Variants in ARHGAP11A observed in about 807,000 individuals in gnomAD.
The protein encoded by ARHGAP11A is Rho GTPase activating protein 11A.
A neutral mutation model predicts 60.5 loss-of-function variants in ARHGAP11A; 36 were observed. The ratio of observed to expected loss-of-function variants is 0.59; its 90% CI spans 0.46 to 0.79. ARHGAP11A has a LOEUF of 0.79. ARHGAP11A is among the 30% of genes least tolerant of loss of function. The pLI is 0.00. For synonymous variants in ARHGAP11A, 362 were observed against 415.5 expected, an observed-to-expected ratio of 0.87 and a Z score of 1.57; for missense variants, 1,071 against 1,199.2, an observed-to-expected ratio of 0.89 and a Z score of 1.58.
chr15:32,625,517 T>A lies in ARHGAP11A; in HGVS notation c.746T>A (p.Ile249Lys). The A allele has an allele frequency of 1.2e-6, 2 of 1,613,942 alleles. No homozygotes were observed. Among genetic ancestry groups the A allele is most frequent in the East Asian group, 4.5e-5 (2 of 44,870 alleles). ...GTACCAGATTTTATCCTGGAAAAGA[T>A]ACCAGCCATGTTGGGTATTGATGGT... Reference protein sequence around the residue: ...GRVPDFILEKIPAMLGIDGLC... With the variant: ...GRVPDFILEKKPAMLGIDGLC... Residue 249 changes from isoleucine to lysine, a missense_variant, in exon 6 of 12, where the codon ATA (isoleucine) becomes AAA (lysine). Coordinates refer to ENST00000361627, the MANE Select transcript of ARHGAP11A (RefSeq NM_014783.6).
At chr15:32,632,246 C>A (rs2053602765) in intron 8 of ARHGAP11A, among the ~76,000 whole-genome samples, 1 of 152,088 alleles carries the variant, frequency 6.6e-6, no homozygotes, top group South Asian at 2.1e-4. Flanking sequence ...TATATGGAGC[C>A]TTTGTTCATA....
intron 10 of ARHGAP11A, among the ~76,000 whole-genome samples, chr15:32,634,481 G>A (rs2053659234): frequency 6.6e-6 from 1 of 152,168 alleles, no homozygotes; most frequent in Non-Finnish European, 1.5e-5. Flanking sequence ...GGAGCATCCA[G>A]AACTTTGGCT....
At position 32,638,443 on chromosome 15, in the gene ARHGAP11A, T is replaced by G. The variant is rs2053774595; in HGVS notation, c.*598T>G. 1 of 152,212 alleles carries G rather than the reference T, an allele frequency of 6.6e-6. No homozygotes were observed. The highest frequency in any genetic ancestry group is 1.5e-5 in the Non-Finnish European group (1 of 68,042). 9.4% of individuals were successfully genotyped at this position (152,212 alleles called of 1,614,324 possible). Reference sequence around the variant, plus strand: ...AATTTTTGAAAATGACATATTTTTGTGTGATAGAAAGAATGGAGCAAGTTG... The same window carrying G: ...AATTTTTGAAAATGACATATTTTTGGGTGATAGAAAGAATGGAGCAAGTTG... On this transcript the variant is annotated 3_prime_UTR_variant, in exon 12 of 12. Coordinates refer to ENST00000361627, the MANE Select transcript of ARHGAP11A (RefSeq NM_014783.6).
chr15:32,637,239 A>G lies in ARHGAP11A; in HGVS notation c.2466A>G (p.Pro822=). 1 of 1,614,244 alleles carries G rather than the reference A, an allele frequency of 6.2e-7. No homozygotes were observed. The highest frequency in any genetic ancestry group is 8.5e-7 in the Non-Finnish European group (1 of 1,180,044). The change falls in exon 12 of 12, where the codon CCA becomes CCG. Residue 822 remains proline, a synonymous_variant. Transcript: ENST00000361627. ...QWFNKLSLNE[P]NRIKVKSPLK... ...TTAACAAGCTTTCTTTAAATGAACC[A>G]AATAGAATAAAAGTCAAGTCACCTC...
In ARHGAP11A at chr15:32,624,262, A is replaced by G; in HGVS notation, c.387A>G (p.Pro129=). The change falls in exon 4 of 12, where the codon CCA becomes CCG. Residue 129 remains proline (P), a synonymous_variant. Transcript: ENST00000361627. Reference sequence around the variant, plus strand: ...TTAAGCAGTTTTTTAGGGAACTGCCAGAGCCCATTCTCCCAGCTGATTTGC... The same window carrying G: ...TTAAGCAGTTTTTTAGGGAACTGCCGGAGCCCATTCTCCCAGCTGATTTGC... ...GLLKQFFREL[P]EPILPADLHE... 4 of 1,613,442 alleles carry G rather than the reference A, an allele frequency of 2.5e-6. No homozygotes were observed. The highest frequency in any genetic ancestry group is 3.4e-6 in the Non-Finnish European group (4 of 1,179,606).
Position 32,635,758 on chromosome 15 carries a change from C to CT in ARHGAP11A, c.1345-9dup, listed in dbSNP as rs755229631. 4.5e-3 allele frequency: 5,904 copies of CT among 1,323,802 alleles called. No individual in the cohort carries two copies. The highest frequency in any genetic ancestry group is 0.011 in the South Asian group (669 of 62,014). 82.0% of individuals were successfully genotyped at this position (1,323,802 alleles called of 1,614,324 possible). ...AACTAGGCTTATTTCTTAACTAAAA[C>CT]TTTTTTTTTTCTGTACAGAATGGAT... On this transcript the variant is annotated intron_variant, in intron 10 of 11. Transcript: ENST00000361627.
Position 32,637,736 on chromosome 15 carries a change from G to A in ARHGAP11A, c.2963G>A (p.Arg988Lys). The change falls in exon 12 of 12, where the codon AGG becomes AAG. Residue 988 changes from arginine to lysine, a missense_variant. Around this residue, in one of 4 missense-constraint regions of ARHGAP11A, gnomAD observed 776 missense variants for 760.2 expected, o/e 1.02. Coordinates refer to ENST00000361627, the MANE Select transcript of ARHGAP11A (RefSeq NM_014783.6). ...GGCATTTCTTCTGGGATAAATAACA[G>A]GGTCCTTAGGAGACCATCAGAAAGA... Reference protein sequence around the residue: ...NMGISSGINNRVLRRPSERGR... With the variant: ...NMGISSGINNKVLRRPSERGR... 1 of 1,614,156 alleles carries A rather than the reference G, an allele frequency of 6.2e-7. No homozygotes were observed. The highest frequency in any genetic ancestry group is 8.5e-7 in the Non-Finnish European group (1 of 1,180,018).
chr15:32,621,090 A>G (rs1353195026), intron 2 of ARHGAP11A, among the ~76,000 whole-genome samples: 1 of 129,292 alleles, frequency 7.7e-6, no homozygotes, highest in South Asian at 2.5e-4. Context: ...AATATTGGAT[A>G]AAAGAATATT....
chr15:32,627,537 A>G (rs60974871), intron 6 of ARHGAP11A, among the ~76,000 whole-genome samples: 26,294 of 151,060 alleles, frequency 0.17, 2,511 homozygotes, highest in East Asian at 0.28. Flanking sequence ...AGACCATCCT[A>G]GCTAACACAG....
intron 11 of ARHGAP11A, 154 bp downstream of exon 11, chr15:32,636,069 C>G (rs2053706693): frequency 5.1e-6 from 7 of 1,371,444 alleles, no homozygotes; most frequent in Non-Finnish European, 6.6e-6. Context: ...ATTTTTCTAT[C>G]AACAATTGGG....
intron 6 of ARHGAP11A, among the ~76,000 whole-genome samples, chr15:32,628,138 A>T (rs559811011): frequency 2.6e-5 from 4 of 152,194 alleles, no homozygotes; most frequent in East Asian, 3.9e-4. Flanking sequence ...GTATAACTCT[A>T]CTCAAGTATC....
At position 32,633,935 on chromosome 15, in the gene ARHGAP11A, T is replaced by G; in HGVS notation, c.1238T>G (p.Val413Gly). Reference sequence around the variant, plus strand: ...ATTTTTAATTCCACTTCTTCTAGAGTGGAATCAGGAAAAGCAGGCTGCTTT... The same window carrying G: ...ATTTTTAATTCCACTTCTTCTAGAGGGGAATCAGGAAAAGCAGGCTGCTTT... ...KRIAGKKVCR[V>G]ESGKAGCFSP... The change falls in exon 10 of 12, where the codon GTG (valine) becomes GGG (glycine). Residue 413 changes from valine to glycine, a missense_variant and splice_region_variant. Physicochemically the swap from Val to Gly is moderately radical, Grantham distance 109 (BLOSUM62 -3). Coordinates refer to ENST00000361627, the MANE Select transcript of ARHGAP11A (RefSeq NM_014783.6). 6.3e-7 allele frequency: 1 copy of G among 1,589,034 alleles called. No homozygotes were observed.
chr15:32,637,709 T>C lies in ARHGAP11A; in HGVS notation c.2936T>C (p.Met979Thr), dbSNP rs761005139. ...GTAAAACCAGTTGTAAATAACAACA[T>C]GGGCATTTCTTCTGGGATAAATAAC... ...DIVKPVVNNNMGISSGINNRV... is the reference protein window; with the variant it reads ...DIVKPVVNNNTGISSGINNRV... The change falls in exon 12 of 12, where the codon ATG becomes ACG. Residue 979 changes from methionine (M) to threonine (T), a missense_variant. This residue lies in a region of ARHGAP11A where 776 missense variants were observed against 760.2 expected (regional missense o/e 1.02). Coordinates refer to ENST00000361627, the MANE Select transcript of ARHGAP11A (RefSeq NM_014783.6). The C allele has an allele frequency of 6.2e-7, 1 of 1,614,172 alleles. No homozygotes were observed. Among genetic ancestry groups the C allele is most frequent in the Admixed American group, 1.7e-5 (1 of 60,016 alleles).
intron 4 of ARHGAP11A, among the ~76,000 whole-genome samples, 173 bp downstream of exon 4, chr15:32,624,599 A>G (rs1023965282): frequency 6.6e-6 from 1 of 152,248 alleles, no homozygotes; most frequent in African/African-American, 2.4e-5. Flanking sequence ...AAATGATTTA[A>G]TATTTCCTTA....
rs4470116 is a variant in ARHGAP11A at position 32,616,234 on chromosome 15, G to A, written c.23G>A (p.Arg8Lys). The change falls in exon 1 of 12, where the codon AGG becomes AAG. Residue 8 changes from arginine (R) to lysine (K), a missense_variant. Around this residue, in one of 4 missense-constraint regions of ARHGAP11A, gnomAD observed 28 missense variants for 24.5 expected, o/e 1.14. Transcript: ENST00000361627. The part of the protein sequence containing the change: MWDQRLV[R>K]LALLQHLRAF... ...GGAATGTGGGATCAGAGGCTGGTGAGGTTGGCCCTGTTGCAGCATCTGCGG... is the reference window on the plus strand; with the variant it reads ...GGAATGTGGGATCAGAGGCTGGTGAAGTTGGCCCTGTTGCAGCATCTGCGG... 562 of 1,613,866 alleles carry A rather than the reference G, an allele frequency of 3.5e-4. 2 individuals carry two copies. The African/African-American group carries it at 6.4e-3, about 18-fold the overall frequency.
In ARHGAP11A at chr15:32,639,525, T is replaced by C. The variant is rs1262087408; in HGVS notation, c.*1680T>C. ...TTTTAAAAATGCATTAACGTCTTTTTATATCCATCAAGGGAAGGATGAAAT... is the reference window on the plus strand; with the variant it reads ...TTTTAAAAATGCATTAACGTCTTTTCATATCCATCAAGGGAAGGATGAAAT... On this transcript the variant is annotated 3_prime_UTR_variant, in exon 12 of 12. Coordinates refer to ENST00000361627, the MANE Select transcript of ARHGAP11A (RefSeq NM_014783.6). 1 of 152,250 alleles carries C rather than the reference T, an allele frequency of 6.6e-6. No homozygotes were observed. The highest frequency in any genetic ancestry group is 2.4e-5 in the African/African-American group (1 of 41,468). 9.4% of individuals were successfully genotyped at this position (152,250 alleles called of 1,614,324 possible). A position where few individuals can be genotyped will look rare whatever the true frequency, so the allele number is the denominator to read the frequency against.
rs1310253500 is a variant in ARHGAP11A at position 32,634,029 on chromosome 15, T to C, written c.1332T>C (p.Asn444=). ...GTTTGAAATTCAATCTAGGGAAAAA[T>C]GGCAGAGAAGTAGTAAGTTTCTTAC... ...SLRLKFNLGK[N]GREVNGCSGV... The change falls in exon 10 of 12, where the codon AAT becomes AAC. Residue 444 remains asparagine, a synonymous_variant. Coordinates refer to ENST00000361627, the MANE Select transcript of ARHGAP11A (RefSeq NM_014783.6). 3 of 1,603,458 alleles carry C rather than the reference T, an allele frequency of 1.9e-6. No individual in the cohort carries two copies. Among genetic ancestry groups the C allele is most frequent in the African/African-American group, 1.3e-5 (1 of 74,390 alleles).
intron 2 of ARHGAP11A, among the ~76,000 whole-genome samples, chr15:32,622,088 A>G (rs1403165934): frequency 3.3e-5 from 5 of 152,306 alleles, no homozygotes; most frequent in African/African-American, 7.2e-5. Context: ...TAAATGACCT[A>G]TGAAAGGCTT....
In ARHGAP11A at chr15:32,639,342, G is replaced by A. The variant is rs1408700333; in HGVS notation, c.*1497G>A. 2.0e-5 allele frequency: 3 copies of A among 152,180 alleles called. No homozygotes were observed. Among genetic ancestry groups the A allele is most frequent in the Admixed American group, 6.5e-5 (1 of 15,278 alleles). The allele number at this position is 152,180 out of a possible 1,614,324, so 9.4% of individuals were successfully genotyped here. ...CCAGACTTACAGCATAAGTATGTACGAGGAATTTCAAATCATCAGATGTTT... is the reference window on the plus strand; with the variant it reads ...CCAGACTTACAGCATAAGTATGTACAAGGAATTTCAAATCATCAGATGTTT... On this transcript the variant is annotated 3_prime_UTR_variant, in exon 12 of 12. Coordinates refer to ENST00000361627, the MANE Select transcript of ARHGAP11A (RefSeq NM_014783.6).
Sources: allele counts gnomAD v4.1 joint callset (sites outside exome capture counted in the v4.1 genomes callset), GRCh38; gene constraint gnomAD v4.1.1; regional missense constraint gnomAD v4.1.1; transcripts MANE v1.5; gene names NCBI Gene and HGNC (gene_info 2026-07-23, HGNC 2026-07-21).